ADAMTSL3: variants seen among roughly 807,000 people sequenced by gnomAD.
The protein encoded by ADAMTSL3 is ADAMTS like 3.
In ADAMTSL3, 128 loss-of-function variants were observed where a neutral mutation model predicts 201.7. The observed-to-expected ratio is 0.63, with a 90% CI of 0.55 to 0.73. ADAMTSL3 has a LOEUF of 0.73. Among genes scored for constraint, ADAMTSL3 ranks in the 30% least tolerant of loss-of-function variants. The probability of loss-of-function intolerance (pLI) is 0.00; values close to 1 mark genes in which losing one functional copy is unlikely to be tolerated. For missense variants in ADAMTSL3, 1,990 were observed against 2,119.6 expected (o/e 0.94, Z 1.20); for synonymous variants, 738 against 748.4 (o/e 0.99, Z 0.23).
chr15:83,662,724 T>G (rs2061192027), intron 2 of ADAMTSL3, among the ~76,000 whole-genome samples: 1 of 152,134 alleles, frequency 6.6e-6, no homozygotes, highest in African/African-American at 2.4e-5. Context: ...AGGGCTCTTT[T>G]CCCTCTACCA....
chr15:83,721,000 C>G (rs745831818), intron 3 of ADAMTSL3, among the ~76,000 whole-genome samples: 7 of 152,058 alleles, frequency 4.6e-5, no homozygotes, highest in Admixed American at 1.3e-4. Context: ...TTGTAAAATA[C>G]TTGAATAAGA....
intron 2 of ADAMTSL3, among the ~76,000 whole-genome samples, chr15:83,666,435 T>G (rs1242816151): frequency 6.6e-6 from 1 of 152,134 alleles, no homozygotes; most frequent in Admixed American, 6.5e-5. Flanking sequence ...TACCTTGCAA[T>G]AGTTGCCACT....
At chr15:83,690,546 G>A (rs1398257007) in intron 2 of ADAMTSL3, among the ~76,000 whole-genome samples, 2 of 152,084 alleles carry the variant, frequency 1.3e-5, no homozygotes, top group East Asian at 1.9e-4. Flanking sequence ...TCAGCTTTGT[G>A]GTCATTGCCT....
intron 19 of ADAMTSL3, among the ~76,000 whole-genome samples, chr15:83,968,709 C>T (rs2067135033): frequency 6.6e-6 from 1 of 152,204 alleles, no homozygotes; most frequent in Non-Finnish European, 1.5e-5. Flanking sequence ...CACATGCACA[C>T]ATATGTTTAT....
At position 83,951,733 on chromosome 15, in the gene ADAMTSL3, A is replaced by T. The variant is rs79873213; in HGVS notation, c.2490+8651A>T. Among the ~76,000 whole-genome samples the T allele has an allele frequency of 5.5e-3, 830 of 152,120 alleles. 10 individuals carry two copies. Among genetic ancestry groups the T allele is most frequent in the Admixed American group, 0.023 (344 of 15,272 alleles). On this transcript the variant is annotated intron_variant, in intron 19 of 29. Coordinates refer to ENST00000286744, the MANE Select transcript of ADAMTSL3 (RefSeq NM_207517.3). ...AGGTTTTGGATTTTTTCATGGTTCA[A>T]TCTGGGTAGGTTGTATGTGTCTAGG... is the stretch of plus-strand genomic sequence containing the variant.
intron 3 of ADAMTSL3, among the ~76,000 whole-genome samples, chr15:83,739,381 A>G (rs1231960865): frequency 6.6e-6 from 1 of 150,756 alleles, no homozygotes; most frequent in Non-Finnish European, 1.5e-5. Context: ...ACATGATGCC[A>G]CAATGGAAAA....
chr15:83,911,374 TTAACAGTCTTCAAGAGA>T (rs1377905822), intron 15 of ADAMTSL3, among the ~76,000 whole-genome samples: 1 of 152,246 alleles, frequency 6.6e-6, no homozygotes, highest in Admixed American at 6.5e-5. Context: ...TTTATTTCAT[TTAACAGTCTTCAAGAGA>T]AGACTGTTAT....
chr15:83,674,359 A>T (rs2061365633), intron 2 of ADAMTSL3, among the ~76,000 whole-genome samples: 1 of 152,050 alleles, frequency 6.6e-6, no homozygotes, highest in Non-Finnish European at 1.5e-5. Flanking sequence ...CACCATCGTC[A>T]TTTCTTGAAA....
At chr15:83,674,244 C>T (rs2141399215) in intron 2 of ADAMTSL3, among the ~76,000 whole-genome samples, 1 of 151,674 alleles carries the variant, frequency 6.6e-6, no homozygotes, top group Middle Eastern at 3.4e-3. Context: ...GTAAATGATC[C>T]ATTTTGAATT....
chr15:83,710,624 C>A (rs2061921007), intron 3 of ADAMTSL3, among the ~76,000 whole-genome samples: 1 of 152,164 alleles, frequency 6.6e-6, no homozygotes. Flanking sequence ...TTAATGACAT[C>A]ATAGGTGAAG....
intron 23 of ADAMTSL3, among the ~76,000 whole-genome samples, chr15:84,012,348 A>G (rs1384364898): frequency 6.6e-6 from 1 of 152,140 alleles, no homozygotes; most frequent in East Asian, 1.9e-4. Context: ...TGAATCCCTT[A>G]TCATTTTAGA....
intron 16 of ADAMTSL3, among the ~76,000 whole-genome samples, chr15:83,920,376 G>A (rs2066116836): frequency 2.0e-5 from 3 of 152,110 alleles, no homozygotes; most frequent in Admixed American, 1.3e-4. Context: ...CCTTCCTAAG[G>A]CCAAATGGCT....
At chr15:83,756,836 T>G (rs2062729083) in intron 3 of ADAMTSL3, among the ~76,000 whole-genome samples, 1 of 152,160 alleles carries the variant, frequency 6.6e-6, no homozygotes, top group Admixed American at 6.5e-5. Context: ...TAGGAGGAAT[T>G]GGCCCAAACA....
chr15:83,679,197 A>G (rs1567067171), intron 2 of ADAMTSL3, among the ~76,000 whole-genome samples: 1 of 152,026 alleles, frequency 6.6e-6, no homozygotes, highest in Non-Finnish European at 1.5e-5. Flanking sequence ...TTTAAAACAT[A>G]TCTTCTATTT....
At chr15:83,843,917 A>G (rs1596306291) in intron 7 of ADAMTSL3, among the ~76,000 whole-genome samples, 1 of 152,344 alleles carries the variant, frequency 6.6e-6, no homozygotes, top group South Asian at 2.1e-4. Context: ...CGGAACTGAC[A>G]ACCAACATAA....
chr15:83,890,298 T>G, intron 11 of ADAMTSL3, 51 bp downstream of exon 11: 1 of 1,598,426 alleles, frequency 6.3e-7, no homozygotes, highest in East Asian at 2.2e-5. Flanking sequence ...ACAAATCAGC[T>G]TCAACTGAGA....
chr15:83,747,339 A>T (rs2062562631), intron 3 of ADAMTSL3, among the ~76,000 whole-genome samples: 1 of 152,186 alleles, frequency 6.6e-6, no homozygotes, highest in South Asian at 2.1e-4. Flanking sequence ...AAGAGTGTTG[A>T]AACAACATTT....
intron 17 of ADAMTSL3, among the ~76,000 whole-genome samples, chr15:83,925,113 T>C (rs1296336594): frequency 6.6e-6 from 1 of 152,158 alleles, no homozygotes; most frequent in East Asian, 1.9e-4. Context: ...TCTCCTGCCT[T>C]GATTGCATAA....
intron 3 of ADAMTSL3, among the ~76,000 whole-genome samples, chr15:83,722,035 A>T (rs1470859428): frequency 6.6e-6 from 1 of 152,132 alleles, no homozygotes; most frequent in East Asian, 1.9e-4. Flanking sequence ...CTGGCCACAG[A>T]TTTATGTTTT....
Sources: allele counts gnomAD v4.1 joint callset (sites outside exome capture counted in the v4.1 genomes callset), GRCh38; gene constraint gnomAD v4.1.1; transcripts MANE v1.5; gene names NCBI Gene and HGNC (gene_info 2026-07-23, HGNC 2026-07-21).